MRPS6: variants seen among roughly 807,000 people sequenced by gnomAD.
MRPS6 encodes the protein small ribosomal subunit protein bS6m.
In MRPS6, 6 loss-of-function variants were observed where a neutral mutation model predicts 13.1. The ratio of observed to expected loss-of-function variants is 0.46; its 90% confidence interval spans 0.25 to 0.91. The LOEUF (loss-of-function observed/expected upper bound fraction) is 0.91. Among genes scored for constraint, MRPS6 ranks in the 40% least tolerant of loss-of-function variants. The pLI is 0.18. For synonymous variants in MRPS6, 61 were observed against 56.5 expected (o/e 1.08, Z -0.36); for missense variants, 164 against 155.6 (o/e 1.05, Z -0.29).
In MRPS6 at chr21:34,096,334, T is replaced by TAA; in HGVS notation, c.45+22590_45+22591insAA. On this transcript the variant is annotated intron_variant, in intron 1 of 2. Coordinates refer to ENST00000399312, the MANE Select transcript of MRPS6 (RefSeq NM_032476.4). The surrounding 1 kb of genome is among the most constrained non-coding windows in gnomAD (Gnocchi z 5.9). Reference sequence around the variant, plus strand: ...ATGATTGCAGCTCTGATGAGTGACTTAGACTCTATCTTTAACAGTGCCAGT... The same window carrying TAA: ...ATGATTGCAGCTCTGATGAGTGACTTAAAGACTCTATCTTTAACAGTGCCAGT... 6.2e-7 allele frequency: 1 copy of TAA among 1,614,142 alleles called. No homozygotes were observed. The highest frequency in any genetic ancestry group is 8.5e-7 in the Non-Finnish European group (1 of 1,180,004).
At chr21:34,076,952 G>A (rs530953807) in intron 1 of MRPS6, among the ~76,000 whole-genome samples, 1 of 152,356 alleles carries the variant, frequency 6.6e-6, no homozygotes, top group Non-Finnish European at 1.5e-5. Flanking sequence ...AGAGACCAAG[G>A]CTGCAGTCCC....
intron 1 of MRPS6, chr21:34,104,888 T>G (rs1979407504): frequency 3.0e-6 from 3 of 1,000,150 alleles, no homozygotes; most frequent in Non-Finnish European, 3.6e-6. Flanking sequence ...TCTGGAGATT[T>G]CTTTGGCAGA....
chr21:34,133,559 T>C (rs1028290732), intron 2 of MRPS6, among the ~76,000 whole-genome samples: 1 of 152,230 alleles, frequency 6.6e-6, no homozygotes, highest in Non-Finnish European at 1.5e-5. Context: ...GCTATTTGAA[T>C]AAGTTGAATA....
At chr21:34,076,691 AGT>A (rs1173481723) in intron 1 of MRPS6, among the ~76,000 whole-genome samples, 2 of 152,226 alleles carry the variant, frequency 1.3e-5, no homozygotes, top group East Asian at 1.9e-4. Flanking sequence ...AGTAGGTAAA[AGT>A]GTGGTTAAAT....
chr21:34,088,213 T>C (rs1301041519), intron 1 of MRPS6, among the ~76,000 whole-genome samples: 2 of 144,076 alleles, frequency 1.4e-5, no homozygotes, highest in Non-Finnish European at 3.0e-5. Context: ...TCTATAGCTG[T>C]GATGACTGGG....
intron 1 of MRPS6, chr21:34,122,213 C>G (rs1450658440): frequency 6.6e-6 from 1 of 152,196 alleles, no homozygotes; most frequent in Non-Finnish European, 1.5e-5. Flanking sequence ...TAGCCATAGA[C>G]ACTATGCAGA....
intron 1 of MRPS6, chr21:34,104,876 C>T: frequency 1.0e-6 from 1 of 1,000,112 alleles, no homozygotes; most frequent in Non-Finnish European, 1.2e-6. Context: ...CAAAAAAATG[C>T]TTCTGGAGAT....
At chr21:34,110,171 C>G (rs1979640554) in intron 1 of MRPS6, among the ~76,000 whole-genome samples, 1 of 152,160 alleles carries the variant, frequency 6.6e-6, no homozygotes, top group South Asian at 2.1e-4. Flanking sequence ...GCCTTAAAAG[C>G]TGCGTAGTTG....
chr21:34,103,159 G>A (rs1979322803), intron 1 of MRPS6: 1 of 999,758 alleles, frequency 1.0e-6, no homozygotes, highest in Non-Finnish European at 1.2e-6. Flanking sequence ...CAGTATATAT[G>A]GTATTCCATA....
chr21:34,084,380 A>C (rs1989525351), intron 1 of MRPS6, among the ~76,000 whole-genome samples: 1 of 152,076 alleles, frequency 6.6e-6, no homozygotes, highest in Non-Finnish European at 1.5e-5. Context: ...AATTGGAACC[A>C]AGTAGACTGA....
At position 34,092,930 on chromosome 21, in the gene MRPS6, G is replaced by C. The variant is rs887957755; in HGVS notation, c.45+19185G>C. Among the ~76,000 whole-genome samples, 3 of 152,292 alleles carry C rather than the reference G, an allele frequency of 2.0e-5. No individual in the cohort carries two copies. In the South Asian group the frequency reaches 6.2e-4, roughly 32 times the overall value. On this transcript the variant is annotated intron_variant, in intron 1 of 2. Coordinates refer to ENST00000399312, the MANE Select transcript of MRPS6 (RefSeq NM_032476.4). ...CTGAGGATGACTTGGATGGCTGTTG[G>C]GTAGCAGAGAGCCCTGGAGGCAGGG...
intron 1 of MRPS6, among the ~76,000 whole-genome samples, chr21:34,092,988 A>C (rs1261138028): frequency 6.6e-6 from 1 of 152,152 alleles, no homozygotes; most frequent in African/African-American, 2.4e-5. Flanking sequence ...TTTCATTGTA[A>C]TTGACACAGC....
intron 1 of MRPS6, among the ~76,000 whole-genome samples, chr21:34,115,823 G>GA (rs926513516): frequency 1.2e-4 from 17 of 147,468 alleles, no homozygotes; most frequent in South Asian, 2.1e-4. Flanking sequence ...GAGTGTAAAA[G>GA]AAAAAAAAAT....
chr21:34,097,095 A>G, intron 1 of MRPS6: 2 of 1,614,104 alleles, frequency 1.2e-6, no homozygotes, highest in Non-Finnish European at 1.7e-6. Flanking sequence ...CGCTTACTCC[A>G]ATGGGCAAGC....
At chr21:34,094,639 A>AT (rs1978880771) in intron 1 of MRPS6, among the ~76,000 whole-genome samples, 2 of 152,214 alleles carry the variant, frequency 1.3e-5, no homozygotes, top group African/African-American at 4.8e-5. Context: ...AGGTAGATGA[A>AT]TTTCTGTCCT....
At chr21:34,095,685 A>T (rs2148659298) in intron 1 of MRPS6, 1 of 1,613,556 alleles carries the variant, frequency 6.2e-7, no homozygotes, top group East Asian at 2.2e-5. Flanking sequence ...TGTGTCTGTC[A>T]TCCTGCTCAT....
rs560962749 is a variant in MRPS6 at position 34,074,334 on chromosome 21, A to C, written c.45+589A>C. On this transcript the variant is annotated intron_variant, in intron 1 of 2. Coordinates refer to ENST00000399312, the MANE Select transcript of MRPS6 (RefSeq NM_032476.4). ...TCTTGCAATCGCTCTCATGTTAAAA[A>C]AAAATCTTTTGACTTTTCTTTTTCT... Among the ~76,000 whole-genome samples the C allele has an allele frequency of 3.3e-5, 5 of 152,334 alleles. No individual in the cohort carries two copies. The South Asian group carries it at 1.0e-3, about 32-fold the overall frequency.
intron 1 of MRPS6, among the ~76,000 whole-genome samples, chr21:34,074,351 T>C (rs773629315): frequency 1.3e-5 from 2 of 152,248 alleles, no homozygotes; most frequent in Non-Finnish European, 2.9e-5. Context: ...TTTTGACTTT[T>C]CTTTTTCTGA....
rs566135865 is a variant in MRPS6 at position 34,113,676 on chromosome 21, G to A, written c.46-11665G>A. On this transcript the variant is annotated intron_variant, in intron 1 of 2. Transcript: ENST00000399312. ...TTGATGGACATGCTTTTTGTCTGTTGTTGAGCAAATTATGCAAATCTGACT... is the reference window on the plus strand; with the variant it reads ...TTGATGGACATGCTTTTTGTCTGTTATTGAGCAAATTATGCAAATCTGACT... Among the ~76,000 whole-genome samples, 6 of 152,258 alleles carry A rather than the reference G, an allele frequency of 3.9e-5. No individual in the cohort carries two copies. The South Asian group carries it at 1.2e-3, about 32-fold the overall frequency.
Sources: gnomAD v4.1 joint callset for allele counts (sites outside exome capture counted in the v4.1 genomes callset) on GRCh38, gnomAD v4.1.1 for gene constraint, Gnocchi (gnomAD v3.1) non-coding constraint, MANE v1.5 for transcripts, NCBI Gene and HGNC (gene_info 2026-07-23, HGNC 2026-07-21) for gene names.